The following DNPEP variants were observed in gnomAD, a reference collection of about 807,000 sequenced individuals.
The protein encoded by DNPEP is aspartyl aminopeptidase.
In DNPEP, 46 loss-of-function variants were observed where a neutral mutation model predicts 59.1. The ratio of observed to expected loss-of-function variants is 0.78; its 90% CI spans 0.61 to 0.99. DNPEP has a LOEUF of 0.99. Ranked by LOEUF, DNPEP falls within the 50% of genes least tolerant of loss-of-function variation. DNPEP has a pLI of 0.00. For missense variants in DNPEP, 617 were observed against 649.9 expected, an observed-to-expected ratio of 0.95 and a Z score of 0.55; for synonymous variants, 229 against 242.2, an observed-to-expected ratio of 0.95 and a Z score of 0.50.
rs907679 is a variant in DNPEP at position 219,385,425 on chromosome 2, G to A, written c.773C>T (p.Ala258Val). Residue 258 changes from alanine to valine, a missense_variant and splice_region_variant, in exon 8 of 15, where the codon GCG (alanine) becomes GTG (valine). Transcript: ENST00000273075. ...CAGGTTCCTACAGCCAGTCCTCACCGCAGGCTGGGTGTCTGCAAGGCAGAG... is the reference window on the plus strand; with the variant it reads ...CAGGTTCCTACAGCCAGTCCTCACCACAGGCTGGGTGTCTGCAAGGCAGAG... ...MELCLADTQP[A>V]VLGGAYDEFI... 5.2e-5 allele frequency: 83 copies of A among 1,606,710 alleles called. No individual in the cohort carries two copies. The highest frequency in any genetic ancestry group is 4.3e-4 in the African/African-American group (32 of 74,804).
upstream of DNPEP, chr2:219,387,916 G>GGCCGC: frequency 3.0e-6 from 4 of 1,338,174 alleles, no homozygotes; most frequent in Non-Finnish European, 3.8e-6. Flanking sequence ...ACGCTTCCCC[G>GGCCGC]GCCGCGCCGC....
intron 14 of DNPEP, 84 bp from the exon 15 acceptor site, chr2:219,374,426 T>A: frequency 7.9e-7 from 1 of 1,273,204 alleles, no homozygotes; most frequent in Non-Finnish European, 1.1e-6. Context: ...CCAACATATG[T>A]TCCAGCAAGA....
intron 8 of DNPEP, 109 bp from the exon 9 acceptor site, chr2:219,384,552 G>T: frequency 1.2e-6 from 1 of 805,416 alleles, no homozygotes; most frequent in Non-Finnish European, 2.0e-6. Flanking sequence ...CCTGACCCCT[G>T]GCTTAGGGCA....
Position 219,382,115 on chromosome 2 carries a change from C to A in DNPEP, c.961G>T (p.Ala321Ser), listed in dbSNP as rs773648835. ...EEVGSESAQG[A>S]QSLLTELVLR... ...ACCAGCTCTGTCAGCAGTGACTGTG[C>A]TCCCTGTGCACTCTCAGACCCCACC... is the stretch of plus-strand genomic sequence containing the variant. The change falls in exon 11 of 15, where the codon GCA becomes TCA. Residue 321 changes from alanine to serine, a missense_variant. By Grantham distance (99) the Ala-to-Ser change is moderately conservative. Coordinates refer to ENST00000273075, the MANE Select transcript of DNPEP (RefSeq NM_012100.4). 10 of 1,612,280 alleles carry A rather than the reference C, an allele frequency of 6.2e-6. No individual in the cohort carries two copies. The East Asian group carries it at 2.2e-4, about 36-fold the overall frequency.
intron 6 of DNPEP, 66 bp from the exon 7 acceptor site, chr2:219,385,772 T>C: frequency 6.8e-7 from 1 of 1,467,428 alleles, no homozygotes; most frequent in Non-Finnish European, 9.3e-7. Flanking sequence ...CATCCATAAG[T>C]TCAGGTGCCT....
chr2:219,376,269 C>T (rs1172018665), intron 13 of DNPEP, among the ~76,000 whole-genome samples: 1 of 152,154 alleles, frequency 6.6e-6, no homozygotes, highest in Non-Finnish European at 1.5e-5. Context: ...GTGCAGATCA[C>T]ATGATTCCAG....
At chr2:219,381,294 G>A in intron 13 of DNPEP, 41 bp downstream of exon 13, 4 of 1,580,076 alleles carry the variant, frequency 2.5e-6, no homozygotes, top group Non-Finnish European at 3.5e-6. Flanking sequence ...CCCCCACCAA[G>A]CTCCCTCCAT....
chr2:219,385,791 G>T, intron 6 of DNPEP, 85 bp from the exon 7 acceptor site: 1 of 1,421,858 alleles, frequency 7.0e-7, no homozygotes, highest in East Asian at 2.5e-5. Flanking sequence ...CTCCTGATGG[G>T]CAACTGCCTC....
At chr2:219,379,168 C>G (rs898287789) in intron 13 of DNPEP, among the ~76,000 whole-genome samples, 1 of 152,094 alleles carries the variant, frequency 6.6e-6, no homozygotes, top group Admixed American at 6.6e-5. Flanking sequence ...CCACCCGCCT[C>G]GGCCTCCCAA....
intron 13 of DNPEP, among the ~76,000 whole-genome samples, chr2:219,375,956 G>A (rs1053495734): frequency 6.6e-6 from 1 of 152,014 alleles, no homozygotes; most frequent in African/African-American, 2.4e-5. Flanking sequence ...GCAGTGCCAG[G>A]CTATGGTCTC....
At chr2:219,388,252 TC>T (rs1953940473), upstream of DNPEP, among the ~76,000 whole-genome samples, 1 of 115,420 alleles carries the variant, frequency 8.7e-6, no homozygotes, top group South Asian at 3.1e-4. Flanking sequence ...TCACCAGGTT[TC>T]CCCCATCCGC....
upstream of DNPEP, among the ~76,000 whole-genome samples, chr2:219,389,403 A>C (rs1230467629): frequency 4.2e-5 from 6 of 143,250 alleles, no homozygotes; most frequent in Non-Finnish European, 9.3e-5. Flanking sequence ...GGGGAGTGAC[A>C]GGGTGGGATG....
chr2:219,389,240 A>G (rs1169822190), upstream of DNPEP, among the ~76,000 whole-genome samples: 4 of 152,152 alleles, frequency 2.6e-5, no homozygotes, highest in Admixed American at 2.0e-4. Flanking sequence ...AGTGAGTAGC[A>G]CGTTTAAACC....
In DNPEP at chr2:219,386,078, C is replaced by T. The variant is rs1132736; in HGVS notation, c.480G>A (p.Leu160=). 26,289 of 1,614,062 alleles carry T rather than the reference C, an allele frequency of 0.016. 601 individuals carry two copies. Among genetic ancestry groups the T allele is most frequent in the African/African-American group, 0.092 (6,909 of 75,002 alleles). The change falls in exon 6 of 15, where the codon CTG becomes CTA. Residue 160 remains leucine, a synonymous_variant. Coordinates refer to ENST00000273075, the MANE Select transcript of DNPEP (RefSeq NM_012100.4). ...GCTCCACGTGCACCAGCTGCTGCTCCAGCCGACCTGAGGTAGGGCACTGCA... is the reference window on the plus strand; with the variant it reads ...GCTCCACGTGCACCAGCTGCTGCTCTAGCCGACCTGAGGTAGGGCACTGCA... ...VIVKCPTSGR[L]EQQLVHVERP...
At chr2:219,374,715 TC>T (rs1318278353) in intron 14 of DNPEP, 139 bp downstream of exon 14, 40 of 1,040,934 alleles carry the variant, frequency 3.8e-5, no homozygotes, top group Non-Finnish European at 5.5e-5. Flanking sequence ...ACCCTTGTTT[TC>T]CTACATGGCC....
chr2:219,398,328 T>G (rs895100971), intron 1 of DNPEP, among the ~76,000 whole-genome samples: 2 of 152,238 alleles, frequency 1.3e-5, no homozygotes, highest in African/African-American at 4.8e-5. Flanking sequence ...AATGAATGTT[T>G]ACTAAATTAG....
chr2:219,375,083 A>G (rs1435700128), intron 13 of DNPEP, 61 bp from the exon 14 acceptor site: 1 of 1,567,414 alleles, frequency 6.4e-7, no homozygotes, highest in Non-Finnish European at 8.7e-7. Flanking sequence ...GCCAAGGAGG[A>G]CGCCATCTTA....
intron 13 of DNPEP, among the ~76,000 whole-genome samples, chr2:219,379,782 A>G (rs1204567419): frequency 2.0e-5 from 3 of 151,970 alleles, no homozygotes; most frequent in African/African-American, 7.3e-5. Context: ...TTAGCCAGGC[A>G]TGGTGGTGCG....
At chr2:219,385,084 G>A (rs1311961780) in intron 8 of DNPEP, 3 of 240,558 alleles carry the variant, frequency 1.2e-5, no homozygotes, top group Non-Finnish European at 2.4e-5. Flanking sequence ...ATCAGCAACC[G>A]GGAGACAGAG....
Sources: gnomAD v4.1 joint callset for allele counts (sites outside exome capture counted in the v4.1 genomes callset) on GRCh38, gnomAD v4.1.1 for gene constraint, MANE v1.5 for transcripts, NCBI Gene and HGNC (gene_info 2026-07-23, HGNC 2026-07-21) for gene names.